The following EPS8 variants were observed in gnomAD, a reference collection of about 807,000 sequenced individuals.
EPS8 encodes the protein epidermal growth factor receptor kinase substrate 8.
EPS8 carries 42 observed loss-of-function variants against 103.8 expected under a neutral mutation model. The ratio of observed to expected loss-of-function variants is 0.40; its 90% CI spans 0.32 to 0.52. EPS8 has a LOEUF of 0.52. EPS8 is among the 20% of genes least tolerant of loss of function. The probability of loss-of-function intolerance (pLI) is 0.40; values close to 1 mark genes in which losing one functional copy is unlikely to be tolerated. For synonymous variants in EPS8, 344 were observed against 344.6 expected (o/e 1.00, Z 0.02); for missense variants, 969 against 1,005.1 (o/e 0.96, Z 0.49).
chr12:15,769,763 C>G lies in EPS8; in HGVS notation c.-22+19398G>C, dbSNP rs1250959651. Among the ~76,000 whole-genome samples, 1 of 152,102 alleles carries G rather than the reference C, an allele frequency of 6.6e-6. No homozygotes were observed. Among genetic ancestry groups the G allele is most frequent in the African/African-American group, 2.4e-5 (1 of 41,416 alleles). ...ACTAGCATTCACGAGAATCTGATCA[C>G]AGAGCAAAATAAATTGGACACAGTA... On this transcript the variant is annotated intron_variant, in intron 1 of 20. Coordinates refer to ENST00000281172, the MANE Select transcript of EPS8 (RefSeq NM_004447.6). The surrounding 1 kb of genome is among the most constrained non-coding windows in gnomAD (Gnocchi z 4.6).
rs1947233289 is a variant in EPS8 at position 15,778,938 on chromosome 12, G to A, written c.-22+10223C>T. Among the ~76,000 whole-genome samples the A allele has an allele frequency of 6.6e-6, 1 of 151,288 alleles. No homozygotes were observed. Among genetic ancestry groups the A allele is most frequent in the Admixed American group, 6.6e-5 (1 of 15,106 alleles). Reference sequence around the variant, plus strand: ...AGAAATCCAAGTCCCCAAAAAAGAAGGCAAACCAAGATTTTAAAATGTAAC... The same window carrying A: ...AGAAATCCAAGTCCCCAAAAAAGAAAGCAAACCAAGATTTTAAAATGTAAC... On this transcript the variant is annotated intron_variant, in intron 1 of 20. Transcript: ENST00000281172. This position sits in a 1 kb window ranked among gnomAD's most constrained non-coding sequence, Gnocchi z 4.5.
intron 1 of EPS8, among the ~76,000 whole-genome samples, chr12:15,766,075 AAGTGCTGGGAT>A (rs947180404): frequency 1.3e-4 from 19 of 151,392 alleles, no homozygotes; most frequent in African/African-American, 4.1e-4. Context: ...CGGCCTCCCA[AAGTGCTGGGAT>A]TATAGGCGTG....
rs965363420 is a variant in EPS8, at chr12:15,752,292, A to G, written c.-22+36869T>C. ...GAAACCCCGTTTCTACTAAAAATAC[A>G]AAAAATTAGCCAGGTGTGGTGGCGG... On this transcript the variant is annotated intron_variant, in intron 1 of 20. Transcript: ENST00000281172. The surrounding 1 kb of genome is among the most constrained non-coding windows in gnomAD (Gnocchi z 4.4). Among the ~76,000 whole-genome samples, 2 of 151,948 alleles carry G rather than the reference A, an allele frequency of 1.3e-5. No individual in the cohort carries two copies. Among genetic ancestry groups the G allele is most frequent in the Non-Finnish European group, 2.9e-5 (2 of 67,968 alleles).
intron 15 of EPS8, among the ~76,000 whole-genome samples, chr12:15,644,640 G>T (rs1288282159): frequency 6.6e-6 from 1 of 150,596 alleles, no homozygotes; most frequent in Non-Finnish European, 1.5e-5. Context: ...CGAGCTTGCA[G>T]TGAGCCAAGA....
intron 9 of EPS8, 84 bp downstream of exon 9, chr12:15,661,942 T>C: frequency 1.0e-6 from 1 of 1,004,524 alleles, no homozygotes; most frequent in Non-Finnish European, 1.5e-6. Flanking sequence ...ATATCTCTAT[T>C]TAAATCAGCT....
rs1272582172 is a variant in EPS8 at position 15,764,449 on chromosome 12, T to C, written c.-22+24712A>G. 1.3e-5 allele frequency among the ~76,000 whole-genome samples: 2 copies of C among 152,190 alleles called. No homozygotes were observed. On this transcript the variant is annotated intron_variant, in intron 1 of 20. Transcript: ENST00000281172. This position sits in a 1 kb window ranked among gnomAD's most constrained non-coding sequence, Gnocchi z 4.1. ...AGGCAAATTAAGAAATATTCCAGGA[T>C]CAGCAGGAGAGAGGCAAAATATCAG...
chr12:15,740,397 T>C (rs1366282103), intron 1 of EPS8, among the ~76,000 whole-genome samples: 1 of 151,490 alleles, frequency 6.6e-6, no homozygotes, highest in East Asian at 1.9e-4. Context: ...ATACAAAAAT[T>C]AGCCAGGCGT....
intron 8 of EPS8, among the ~76,000 whole-genome samples, chr12:15,663,785 G>A: frequency 6.6e-6 from 1 of 151,078 alleles, no homozygotes. Flanking sequence ...AGCCAGGTAT[G>A]GTGGCACACG....
Position 15,769,958 on chromosome 12 carries a change from T to C in EPS8, c.-22+19203A>G, listed in dbSNP as rs774903309. On this transcript the variant is annotated intron_variant, in intron 1 of 20. Coordinates refer to ENST00000281172, the MANE Select transcript of EPS8 (RefSeq NM_004447.6). The surrounding 1 kb of genome is among the most constrained non-coding windows in gnomAD (Gnocchi z 4.6). ...TTAATTAGGTTTTTTTTTTTCTTTT[T>C]TGAGACTAGGGTCTCGCTCTTTCAC... is the stretch of plus-strand genomic sequence containing the variant. 6.6e-6 allele frequency among the ~76,000 whole-genome samples: 1 copy of C among 151,988 alleles called. No individual in the cohort carries two copies. The highest frequency in any genetic ancestry group is 1.5e-5 in the Non-Finnish European group (1 of 67,974).
Position 15,706,130 on chromosome 12 carries a change from C to A in EPS8, c.-21-23158G>T, listed in dbSNP as rs1165229387. On this transcript the variant is annotated intron_variant, in intron 1 of 20. Transcript: ENST00000281172. The surrounding 1 kb of genome is among the most constrained non-coding windows in gnomAD (Gnocchi z 5.2). ...CCTAAGGTTACTCTCTCTAATTCTG[C>A]AAACCAGTATGGTAAACATCTTGTA... is the stretch of plus-strand genomic sequence containing the variant. Among the ~76,000 whole-genome samples the A allele has an allele frequency of 6.6e-6, 1 of 152,144 alleles. No homozygotes were observed. The highest frequency in any genetic ancestry group is 1.5e-5 in the Non-Finnish European group (1 of 68,044).
chr12:15,665,684 G>T lies in EPS8; in HGVS notation c.736+72C>A, dbSNP rs752299200. 5 of 1,552,284 alleles carry T rather than the reference G, an allele frequency of 3.2e-6. No homozygotes were observed. The African/African-American group carries it at 5.5e-5, about 17-fold the overall frequency. ...AGCTTCAGTTCTGAAATCAGCATCAGAATTTGAAAGCAAGAACTATGTCCC... is the reference window on the plus strand; with the variant it reads ...AGCTTCAGTTCTGAAATCAGCATCATAATTTGAAAGCAAGAACTATGTCCC... On this transcript the variant is annotated intron_variant, in intron 8 of 20. Transcript: ENST00000281172.
chr12:15,730,296 A>G (rs1051957894), intron 1 of EPS8, among the ~76,000 whole-genome samples: 1 of 152,226 alleles, frequency 6.6e-6, no homozygotes, highest in African/African-American at 2.4e-5. Context: ...AGAGTTTGGT[A>G]CTTGCCCAAG....
chr12:15,647,847 TC>T (rs1336092791), intron 14 of EPS8, among the ~76,000 whole-genome samples: 1 of 152,128 alleles, frequency 6.6e-6, no homozygotes, highest in Non-Finnish European at 1.5e-5. Context: ...AGAGCAGCAA[TC>T]CCCAACCTTT....
rs1219672463 is a variant in EPS8, at chr12:15,716,132, TGAGA to T, written c.-21-33164_-21-33161del. On this transcript the variant is annotated intron_variant, in intron 1 of 20. Coordinates refer to ENST00000281172, the MANE Select transcript of EPS8 (RefSeq NM_004447.6). This position sits in a 1 kb window ranked among gnomAD's most constrained non-coding sequence, Gnocchi z 5.0. ...CTAAACTTGAGAGCTGAAAGAAATC[TGAGA>T]GAGTATCCCAATTCCAATCCCTGTC... is the stretch of plus-strand genomic sequence containing the variant. 6.6e-6 allele frequency among the ~76,000 whole-genome samples: 1 copy of T among 152,148 alleles called. No individual in the cohort carries two copies. Among genetic ancestry groups the T allele is most frequent in the Non-Finnish European group, 1.5e-5 (1 of 68,016 alleles).
intron 6 of EPS8, among the ~76,000 whole-genome samples, chr12:15,667,792 A>C (rs1027312923): frequency 5.9e-5 from 9 of 152,214 alleles, no homozygotes; most frequent in African/African-American, 2.2e-4. Context: ...GCAGAGTATG[A>C]AACTAATGAG....
chr12:15,788,384 A>G (rs1318121554), intron 1 of EPS8, among the ~76,000 whole-genome samples: 1 of 152,190 alleles, frequency 6.6e-6, no homozygotes, highest in African/African-American at 2.4e-5. Flanking sequence ...GCGAGATTCC[A>G]ACAGTACTAC....
chr12:15,643,977 A>C (rs1183280216), intron 15 of EPS8, among the ~76,000 whole-genome samples: 1 of 152,210 alleles, frequency 6.6e-6, no homozygotes, highest in Non-Finnish European at 1.5e-5. Flanking sequence ...ACCTAATGGC[A>C]TAGCAATTTC....
At chr12:15,624,825 A>T (rs1944918910) in intron 18 of EPS8, among the ~76,000 whole-genome samples, 1 of 152,168 alleles carries the variant, frequency 6.6e-6, no homozygotes, top group South Asian at 2.1e-4. Context: ...TTTTGGCCCC[A>T]GAGGACATTT....
In EPS8 at chr12:15,688,237, C is replaced by G. The variant is rs891024288; in HGVS notation, c.-21-5265G>C. On this transcript the variant is annotated intron_variant, in intron 1 of 20. Transcript: ENST00000281172. This position sits in a 1 kb window ranked among gnomAD's most constrained non-coding sequence, Gnocchi z 5.1. ...TTTATCCTTAAAACAACATTATCAGCTAGTTATTGGCTCTATTTTATGGGT... is the reference window on the plus strand; with the variant it reads ...TTTATCCTTAAAACAACATTATCAGGTAGTTATTGGCTCTATTTTATGGGT... Among the ~76,000 whole-genome samples, 2 of 152,134 alleles carry G rather than the reference C, an allele frequency of 1.3e-5. No homozygotes were observed. The highest frequency in any genetic ancestry group is 2.9e-5 in the Non-Finnish European group (2 of 68,024).
Sources: allele counts gnomAD v4.1 joint callset (sites outside exome capture counted in the v4.1 genomes callset), GRCh38; gene constraint gnomAD v4.1.1; non-coding constraint Gnocchi (gnomAD v3.1); transcripts MANE v1.5; gene names NCBI Gene and HGNC (gene_info 2026-07-23, HGNC 2026-07-21).